Variants in HS6ST3 observed in about 807,000 individuals in gnomAD.
HS6ST3 encodes heparan sulfate 6-O-sulfotransferase 3, also known as heparan-sulfate 6-O-sulfotransferase 3.
In HS6ST3, 12 loss-of-function variants were observed where a neutral mutation model predicts 36.7. That is an observed-to-expected ratio of 0.33 (90% CI 0.21 to 0.53). The LOEUF is 0.53. HS6ST3 is among the 20% of genes least tolerant of loss of function. The probability of loss-of-function intolerance (pLI) is 0.95; values close to 1 mark genes in which losing one functional copy is unlikely to be tolerated. For synonymous variants in HS6ST3, 240 were observed against 257.5 expected (o/e 0.93, Z 0.65); for missense variants, 584 against 640.9 (o/e 0.91, Z 0.96).
At chr13:96,272,920 G>C (rs2139389294) in intron 1 of HS6ST3, among the ~76,000 whole-genome samples, 2 of 152,036 alleles carry the variant, frequency 1.3e-5, no homozygotes, top group Non-Finnish European at 2.9e-5. Flanking sequence ...GAGGGATCAT[G>C]TCTTATTCAT....
intron 1 of HS6ST3, among the ~76,000 whole-genome samples, chr13:96,805,542 A>G (rs1468988978): frequency 6.6e-6 from 1 of 152,220 alleles, no homozygotes; most frequent in African/African-American, 2.4e-5. Flanking sequence ...TCATGATGAG[A>G]CAAATAGCCA....
At chr13:96,795,716 G>T (rs1164252664) in intron 1 of HS6ST3, among the ~76,000 whole-genome samples, 24 of 152,126 alleles carry the variant, frequency 1.6e-4, no homozygotes, top group Admixed American at 1.6e-3. Flanking sequence ...GGCCCAAAGA[G>T]AATCCTATCT....
chr13:96,229,339 C>T (rs1368666399), intron 1 of HS6ST3, among the ~76,000 whole-genome samples: 1 of 152,130 alleles, frequency 6.6e-6, no homozygotes, highest in African/African-American at 2.4e-5. Context: ...TTAGTCAGGT[C>T]AGGCTGCTAT....
At chr13:96,626,409 G>A (rs892072121) in intron 1 of HS6ST3, among the ~76,000 whole-genome samples, 4 of 152,102 alleles carry the variant, frequency 2.6e-5, no homozygotes, top group African/African-American at 9.7e-5. Flanking sequence ...AACCAACTCT[G>A]TCAATTATGT....
chr13:96,538,245 A>G (rs946556948), intron 1 of HS6ST3, among the ~76,000 whole-genome samples: 2 of 152,266 alleles, frequency 1.3e-5, no homozygotes, highest in African/African-American at 4.8e-5. Context: ...TTGTGCTAGT[A>G]GAATATGTGA....
intron 1 of HS6ST3, among the ~76,000 whole-genome samples, chr13:96,449,643 G>A (rs1470769600): frequency 5.3e-5 from 8 of 152,122 alleles, no homozygotes; most frequent in Non-Finnish European, 1.0e-4. Context: ...GTATATACGT[G>A]CATATGTAAA....
intron 1 of HS6ST3, among the ~76,000 whole-genome samples, chr13:96,230,612 A>T (rs1194321198): frequency 6.6e-6 from 1 of 152,142 alleles, no homozygotes; most frequent in Non-Finnish European, 1.5e-5. Flanking sequence ...AATTTGGTGA[A>T]GACCAATATC....
At chr13:96,355,460 C>G (rs1180571240) in intron 1 of HS6ST3, among the ~76,000 whole-genome samples, 1 of 151,804 alleles carries the variant, frequency 6.6e-6, no homozygotes, top group Non-Finnish European at 1.5e-5. Context: ...TGGTTCCTGA[C>G]TGCCACCATA....
At chr13:96,681,048 C>T (rs181915000) in intron 1 of HS6ST3, among the ~76,000 whole-genome samples, 8 of 152,272 alleles carry the variant, frequency 5.3e-5, no homozygotes, top group African/African-American at 1.7e-4. Context: ...ATCCTCAAAA[C>T]GTGCCATATA....
chr13:96,554,268 A>G (rs1352605970), intron 1 of HS6ST3, among the ~76,000 whole-genome samples: 2 of 152,334 alleles, frequency 1.3e-5, no homozygotes, highest in African/African-American at 2.4e-5. Flanking sequence ...GTGTGTTACC[A>G]AACCAAGAGG....
intron 1 of HS6ST3, among the ~76,000 whole-genome samples, chr13:96,195,270 C>T (rs2054306732): frequency 6.6e-6 from 1 of 152,110 alleles, no homozygotes; most frequent in South Asian, 2.1e-4. Flanking sequence ...TGCAGACTTC[C>T]CTGCTTCCTG....
intron 1 of HS6ST3, among the ~76,000 whole-genome samples, chr13:96,474,136 C>T (rs2055852038): frequency 6.6e-6 from 1 of 152,010 alleles, no homozygotes; most frequent in African/African-American, 2.4e-5. Flanking sequence ...GTCAATGAAT[C>T]CTCTTCATTT....
intron 1 of HS6ST3, among the ~76,000 whole-genome samples, chr13:96,720,721 A>G (rs1875823240): frequency 6.6e-6 from 1 of 152,234 alleles, no homozygotes; most frequent in African/African-American, 2.4e-5. Flanking sequence ...GATGCAAAGC[A>G]ATATGGAAAT....
intron 1 of HS6ST3, among the ~76,000 whole-genome samples, chr13:96,777,945 A>G: frequency 6.6e-6 from 1 of 152,218 alleles, no homozygotes; most frequent in East Asian, 1.9e-4. Flanking sequence ...GACAGTAACC[A>G]AAACAGCATG....
At chr13:96,176,944 G>T (rs1249202088) in intron 1 of HS6ST3, among the ~76,000 whole-genome samples, 2 of 152,020 alleles carry the variant, frequency 1.3e-5, no homozygotes, top group Non-Finnish European at 2.9e-5. Context: ...AAACAACCCT[G>T]TTAAAAAGTG....
chr13:96,741,445 C>T (rs982131872), intron 1 of HS6ST3, among the ~76,000 whole-genome samples: 2 of 152,170 alleles, frequency 1.3e-5, no homozygotes, highest in African/African-American at 4.8e-5. Context: ...ACCTTGTCAA[C>T]TAATACCTAA....
intron 1 of HS6ST3, among the ~76,000 whole-genome samples, chr13:96,760,715 C>T (rs185443531): frequency 6.6e-6 from 1 of 152,162 alleles, no homozygotes; most frequent in Admixed American, 6.5e-5. Context: ...GAGAATCATC[C>T]AAACATCTCA....
At chr13:96,631,041 T>G (rs1328896309) in intron 1 of HS6ST3, among the ~76,000 whole-genome samples, 1 of 152,170 alleles carries the variant, frequency 6.6e-6, no homozygotes, top group Non-Finnish European at 1.5e-5. Context: ...GACAGAAACA[T>G]GCTCAACGTA....
At chr13:96,288,109 G>A (rs553831902) in intron 1 of HS6ST3, among the ~76,000 whole-genome samples, 1 of 152,164 alleles carries the variant, frequency 6.6e-6, no homozygotes, top group South Asian at 2.1e-4. Context: ...AAACTTAGAA[G>A]GTGAGGCCTG....
Sources: gnomAD v4.1 joint callset for allele counts (sites outside exome capture counted in the v4.1 genomes callset) on GRCh38, gnomAD v4.1.1 for gene constraint, MANE v1.5 for transcripts, NCBI Gene and HGNC (gene_info 2026-07-23, HGNC 2026-07-21) for gene names.